PLPP3: variants seen among roughly 807,000 people sequenced by gnomAD.
The protein encoded by PLPP3 is PAP2 beta.
PLPP3 carries 6 observed loss-of-function variants against 29.6 expected under a neutral mutation model. That is an observed-to-expected ratio of 0.20 (90% confidence interval 0.11 to 0.40). The LOEUF (loss-of-function observed/expected upper bound fraction) is 0.40. PLPP3 is among the 10% of genes least tolerant of loss of function. PLPP3 has a pLI of 1.00. For synonymous variants in PLPP3, 152 were observed against 159.7 expected, an observed-to-expected ratio of 0.95 and a Z score of 0.36; for missense variants, 308 against 407.7, an observed-to-expected ratio of 0.76 and a Z score of 2.11.
chr1:56,572,239 G>A (rs1646204941), intron 1 of PLPP3, among the ~76,000 whole-genome samples: 2 of 151,600 alleles, frequency 1.3e-5, no homozygotes, highest in Admixed American at 6.6e-5. Flanking sequence ...TAGTAGAGAC[G>A]GGGTTTCACC....
intron 1 of PLPP3, among the ~76,000 whole-genome samples, chr1:56,551,309 C>T (rs573067001): frequency 0.26 from 33,920 of 131,764 alleles, 5,140 homozygotes; most frequent in South Asian, 0.33. Flanking sequence ...CGGTTCGGTT[C>T]GGTTCGGTTC....
At chr1:56,557,286 G>A (rs1476636928) in intron 1 of PLPP3, among the ~76,000 whole-genome samples, 4 of 151,582 alleles carry the variant, frequency 2.6e-5, no homozygotes, top group African/African-American at 9.7e-5. Context: ...GTTGAGGCAG[G>A]AGAATCGCTT....
At chr1:56,555,284 C>T (rs1276308750) in intron 1 of PLPP3, among the ~76,000 whole-genome samples, 3 of 151,350 alleles carry the variant, frequency 2.0e-5, no homozygotes, top group Non-Finnish European at 4.4e-5. Context: ...TTTATCTGTC[C>T]CCTGCACATG....
In PLPP3 at chr1:56,524,585, G is replaced by GT. The variant is rs1557503211; in HGVS notation, c.298-32dup. ...AGGAATCCAACAGGGGAATTAGGCA[G>GT]TATCAAGATTCATCATCAACACTGA... On this transcript the variant is annotated intron_variant, in intron 2 of 5. Transcript: ENST00000371250. The surrounding 1 kb of genome is among the most constrained non-coding windows in gnomAD (Gnocchi z 4.3). 1 of 1,590,552 alleles carries GT rather than the reference G, an allele frequency of 6.3e-7. No individual in the cohort carries two copies. Among genetic ancestry groups the GT allele is most frequent in the East Asian group, 2.3e-5 (1 of 44,248 alleles).
intron 4 of PLPP3, 108 bp from the exon 5 acceptor site, chr1:56,512,260 C>T (rs984841752): frequency 2.8e-6 from 3 of 1,069,820 alleles, no homozygotes; most frequent in Non-Finnish European, 3.8e-6. Context: ...ATCATCTGGA[C>T]CTTGGGTGGC....
chr1:56,530,430 T>C (rs1024956899), intron 2 of PLPP3, among the ~76,000 whole-genome samples: 75 of 152,228 alleles, frequency 4.9e-4, no homozygotes, highest in African/African-American at 1.7e-3. Flanking sequence ...GAGATGTTAG[T>C]ACCATTTCAA....
Position 56,578,795 on chromosome 1 carries a change from C to A in PLPP3, c.139+83G>T, listed in dbSNP as rs912299372. 1.0e-5 allele frequency: 13 copies of A among 1,294,224 alleles called. No individual in the cohort carries two copies. The Admixed American group carries it at 1.3e-4, about 13-fold the overall frequency. 80.2% of individuals were successfully genotyped at this position (1,294,224 alleles called of 1,614,324 possible). Reference sequence around the variant, plus strand: ...GAGCTGACGGCGCGGCGCGGCGCGGCGCTGCGCGGCCCCGGACTGGGCTGG... The same window carrying A: ...GAGCTGACGGCGCGGCGCGGCGCGGAGCTGCGCGGCCCCGGACTGGGCTGG... On this transcript the variant is annotated intron_variant, in intron 1 of 5. Transcript: ENST00000371250.
intron 1 of PLPP3, among the ~76,000 whole-genome samples, chr1:56,577,446 C>T (rs1308131337): frequency 1.3e-5 from 2 of 152,150 alleles, no homozygotes; most frequent in African/African-American, 4.8e-5. Context: ...ACAATTATAC[C>T]TTCAGCTGTC....
rs547888034 is a variant in PLPP3, at chr1:56,540,662, C to CA, written c.140-3551dup. On this transcript the variant is annotated intron_variant, in intron 1 of 5. Coordinates refer to ENST00000371250, the MANE Select transcript of PLPP3 (RefSeq NM_003713.5). ...TTGAAAGGCATGCAGATGGCATTTA[C>CA]AAAACCCGATGGCTTTTTTTTGTCT... Among the ~76,000 whole-genome samples the CA allele has an allele frequency of 4.6e-5, 7 of 151,006 alleles. No individual in the cohort carries two copies. The East Asian group carries it at 1.4e-3, about 29-fold the overall frequency.
intron 5 of PLPP3, among the ~76,000 whole-genome samples, chr1:56,510,447 G>T (rs529786260): frequency 6.6e-6 from 1 of 152,366 alleles, no homozygotes; most frequent in South Asian, 2.1e-4. Flanking sequence ...GTCAAAGGCT[G>T]CAGGCAGTTC....
At chr1:56,499,316 TAATTACTGGGC>T (rs1645650832) in intron 5 of PLPP3, among the ~76,000 whole-genome samples, 1 of 152,100 alleles carries the variant, frequency 6.6e-6, no homozygotes, top group Non-Finnish European at 1.5e-5. Flanking sequence ...GATACCAAAG[TAATTACTGGGC>T]CCAGAGAAAG....
At chr1:56,513,641 G>A (rs978730696) in intron 4 of PLPP3, 1 of 152,058 alleles carries the variant, frequency 6.6e-6, no homozygotes, top group Non-Finnish European at 1.5e-5. Context: ...TTTCAAATAA[G>A]CAGACATGGA....
chr1:56,505,550 C>T (rs944214071), intron 5 of PLPP3, among the ~76,000 whole-genome samples: 1 of 152,208 alleles, frequency 6.6e-6, no homozygotes, highest in African/African-American at 2.4e-5. Context: ...CTTCTTCCTC[C>T]TCGTGAGCCT....
chr1:56,507,792 A>G (rs1645713641), intron 5 of PLPP3, among the ~76,000 whole-genome samples: 1 of 152,186 alleles, frequency 6.6e-6, no homozygotes, highest in South Asian at 2.1e-4. Context: ...GAGGGAGGCA[A>G]AAGGACAAAA....
At chr1:56,525,637 C>A (rs1645848018) in intron 2 of PLPP3, among the ~76,000 whole-genome samples, 1 of 151,996 alleles carries the variant, frequency 6.6e-6, no homozygotes, top group Non-Finnish European at 1.5e-5. Context: ...GTCTTAACTC[C>A]ACAGCCCAGC....
At chr1:56,555,433 T>TAAAAAAAAAAAAAAAAAAAAA (rs66593221) in intron 1 of PLPP3, among the ~76,000 whole-genome samples, 148 of 33,188 alleles carry the variant, frequency 4.5e-3, no homozygotes, top group Non-Finnish European at 5.5e-3. Context: ...GGCCAAACAC[T>TAAAAAAAAAAAAAAAAAAAAA]AAAAAAAAAA....
At chr1:56,532,583 G>T (rs901790688) in intron 2 of PLPP3, among the ~76,000 whole-genome samples, 3 of 152,178 alleles carry the variant, frequency 2.0e-5, no homozygotes, top group African/African-American at 7.2e-5. Flanking sequence ...TCTCCAGCAA[G>T]AAATTTGCAT....
At chr1:56,508,676 G>A (rs183298487) in intron 5 of PLPP3, among the ~76,000 whole-genome samples, 3 of 152,294 alleles carry the variant, frequency 2.0e-5, no homozygotes, top group Admixed American at 2.0e-4. Flanking sequence ...GGCACAAGCA[G>A]AGCAGAGGTC....
chr1:56,568,598 T>C (rs1348728042), intron 1 of PLPP3, among the ~76,000 whole-genome samples: 2 of 152,196 alleles, frequency 1.3e-5, no homozygotes, highest in African/African-American at 2.4e-5. Context: ...GCTCCCAACC[T>C]GGAGTTCAGG....
Sources: allele counts gnomAD v4.1 joint callset (sites outside exome capture counted in the v4.1 genomes callset), GRCh38; gene constraint gnomAD v4.1.1; non-coding constraint Gnocchi (gnomAD v3.1); transcripts MANE v1.5; gene names NCBI Gene and HGNC (gene_info 2026-07-23, HGNC 2026-07-21).